CAMK1G: variants seen among roughly 807,000 people sequenced by gnomAD.
The protein encoded by CAMK1G is calcium/calmodulin dependent protein kinase IG, also known as calcium/calmodulin-dependent protein kinase type 1G.
CAMK1G carries 27 observed loss-of-function variants against 54.8 expected under a neutral mutation model. The observed-to-expected ratio is 0.49, with a 90% CI of 0.36 to 0.68. CAMK1G has a LOEUF of 0.68. CAMK1G is among the 30% of genes least tolerant of loss of function. The probability of loss-of-function intolerance (pLI) is 0.00; values close to 1 mark genes in which losing one functional copy is unlikely to be tolerated. For missense variants in CAMK1G, 512 were observed against 591.0 expected, an observed-to-expected ratio of 0.87 and a Z score of 1.39; for synonymous variants, 238 against 224.9, an observed-to-expected ratio of 1.06 and a Z score of -0.52.
At chr1:209,594,234 G>T (rs546179234) in intron 1 of CAMK1G, among the ~76,000 whole-genome samples, 3 of 152,040 alleles carry the variant, frequency 2.0e-5, no homozygotes, top group African/African-American at 7.2e-5. Context: ...AACTGTACAC[G>T]TATGACTTTA....
At chr1:209,612,532 C>T (rs1665808809) in intron 11 of CAMK1G, among the ~76,000 whole-genome samples, 1 of 152,162 alleles carries the variant, frequency 6.6e-6, no homozygotes, top group African/African-American at 2.4e-5. Flanking sequence ...TGATAAAAGC[C>T]CACAGAAAAC....
chr1:209,585,030 G>C (rs141766005), intron 1 of CAMK1G, among the ~76,000 whole-genome samples: 1 of 152,126 alleles, frequency 6.6e-6, no homozygotes, highest in Non-Finnish European at 1.5e-5. Flanking sequence ...GAAGTTAAAG[G>C]GTTTGCCTGG....
At chr1:209,603,088 C>A in intron 3 of CAMK1G, 126 bp from the exon 4 acceptor site, 1 of 785,970 alleles carries the variant, frequency 1.3e-6, no homozygotes, top group Non-Finnish European at 2.1e-6. Context: ...GAAGGCTTCA[C>A]AGAGACCTAG....
intron 1 of CAMK1G, among the ~76,000 whole-genome samples, chr1:209,593,889 A>G (rs1665317391): frequency 6.6e-6 from 1 of 152,122 alleles, no homozygotes. Context: ...AACAGAGTCT[A>G]CAAAGCCCTT....
At chr1:209,596,003 A>G (rs1255910072) in intron 2 of CAMK1G, among the ~76,000 whole-genome samples, 6 of 152,218 alleles carry the variant, frequency 3.9e-5, no homozygotes, top group Admixed American at 2.6e-4. Flanking sequence ...AGTCTAGGCT[A>G]ATTGGGCCTG....
chr1:209,592,306 C>A (rs982474058), intron 1 of CAMK1G, among the ~76,000 whole-genome samples: 1 of 145,096 alleles, frequency 6.9e-6, no homozygotes, highest in Admixed American at 7.1e-5. Context: ...GATCACACCA[C>A]TGCACTCTAG....
chr1:209,608,760 C>A (rs1305930780), intron 7 of CAMK1G, among the ~76,000 whole-genome samples: 1 of 152,114 alleles, frequency 6.6e-6, no homozygotes, highest in Non-Finnish European at 1.5e-5. Context: ...TACACAGGGA[C>A]CTTCTAGGGA....
chr1:209,603,864 G>T (rs1273958309), intron 4 of CAMK1G, among the ~76,000 whole-genome samples: 1 of 152,216 alleles, frequency 6.6e-6, no homozygotes, highest in Non-Finnish European at 1.5e-5. Context: ...GGCTGTGATT[G>T]TATGTGTCCA....
intron 7 of CAMK1G, among the ~76,000 whole-genome samples, chr1:209,608,562 A>G (rs543724271): frequency 6.6e-6 from 1 of 152,318 alleles, no homozygotes; most frequent in African/African-American, 2.4e-5. Flanking sequence ...TTCACTGCCT[A>G]TCTACTCTGC....
chr1:209,599,079 A>C (rs1205935516), intron 2 of CAMK1G, among the ~76,000 whole-genome samples: 3 of 152,206 alleles, frequency 2.0e-5, no homozygotes, highest in Non-Finnish European at 2.9e-5. Context: ...CACCTTCTTC[A>C]CAAGGCGGCA....
In CAMK1G at chr1:209,611,845, C is replaced by A. The variant is rs200699828; in HGVS notation, c.969C>A (p.Asn323Lys). The A allele has an allele frequency of 6.2e-7, 1 of 1,614,198 alleles. No homozygotes were observed. The highest frequency in any genetic ancestry group is 2.2e-5 in the East Asian group (1 of 44,882). ...ACCACATGAGGAAGCTACACATGAA[C>A]CTGCACAGCCCGGGCGTCCGCCCAG... ...VVHHMRKLHMNLHSPGVRPEV... is the reference protein window; with the variant it reads ...VVHHMRKLHMKLHSPGVRPEV... Residue 323 changes from asparagine (N) to lysine (K), a missense_variant, in exon 11 of 13, where the codon AAC (asparagine) becomes AAA (lysine). By Grantham distance (94) the Asn-to-Lys change is moderately conservative (BLOSUM62 0). Around this residue, in one of 3 missense-constraint regions of CAMK1G, gnomAD observed 315 missense variants for 330.5 expected, o/e 0.95. Coordinates refer to ENST00000361322, the MANE Select transcript of CAMK1G (RefSeq NM_020439.3).
Position 209,605,628 on chromosome 1 carries a change from C to T in CAMK1G, c.389C>T (p.Ala130Val). The change falls in exon 5 of 13, where the codon GCA becomes GTA. Residue 130 changes from alanine to valine, a missense_variant. Physicochemically the swap from Ala to Val is moderately conservative, Grantham distance 64. Transcript: ENST00000361322. ...CTGGTGATCCAGCAGGTCTTGTCGG[C>T]AGTGAAATACCTACATGAGAATGGC... is the stretch of plus-strand genomic sequence containing the variant. ...ASLVIQQVLS[A>V]VKYLHENGIV... is the part of the protein sequence containing the mutation. 6.2e-7 allele frequency: 1 copy of T among 1,614,086 alleles called. No individual in the cohort carries two copies. Among genetic ancestry groups the T allele is most frequent in the Non-Finnish European group, 8.5e-7 (1 of 1,180,006 alleles).
intron 6 of CAMK1G, 32 bp downstream of exon 6, chr1:209,606,475 G>T: frequency 1.4e-5 from 22 of 1,608,956 alleles, no homozygotes; most frequent in Non-Finnish European, 1.8e-5. Flanking sequence ...AGGTTGACCA[G>T]TTGGCTACAT....
intron 11 of CAMK1G, 141 bp from the exon 12 acceptor site, chr1:209,612,644 G>A: frequency 3.1e-6 from 2 of 652,382 alleles, no homozygotes; most frequent in East Asian, 5.4e-5. Flanking sequence ...TATCTTTTCT[G>A]CAGGTTCTTG....
intron 1 of CAMK1G, among the ~76,000 whole-genome samples, chr1:209,590,608 C>T (rs901190923): frequency 4.6e-5 from 7 of 152,278 alleles, no homozygotes; most frequent in East Asian, 3.9e-4. Context: ...GAGAACAGGC[C>T]GTCATTCCAT....
rs1665835999 is a variant in CAMK1G, at chr1:209,613,370, A to C, written c.*368A>C. The C allele has an allele frequency of 6.4e-6, 1 of 156,908 alleles. No homozygotes were observed. The highest frequency in any genetic ancestry group is 1.9e-4 in the South Asian group (1 of 5,212). The allele number at this position is 156,908 out of a possible 1,614,324, so 9.7% of individuals were successfully genotyped here. On this transcript the variant is annotated 3_prime_UTR_variant, in exon 13 of 13. Coordinates refer to ENST00000361322, the MANE Select transcript of CAMK1G (RefSeq NM_020439.3). ...CTGTGCTGTTTGTCGTGAAAAGCTT[A>C]ATGGGCTGGCCAGGCTGTGTCACCT...
At chr1:209,611,662 C>T (rs933201231) in intron 10 of CAMK1G, 110 bp downstream of exon 10, 2 of 1,456,222 alleles carry the variant, frequency 1.4e-6, no homozygotes, top group African/African-American at 2.8e-5. Flanking sequence ...GGCATTGGAG[C>T]TCCGTGTACC....
In CAMK1G at chr1:209,600,096, T is replaced by C. The variant is rs778787113; in HGVS notation, c.206T>C (p.Ile69Thr). ...CGGGACAGCAGCCTGGAGAATGAGATTGCTGTGTTGAAAAAGTGAGTGGGT... is the reference window on the plus strand; with the variant it reads ...CGGGACAGCAGCCTGGAGAATGAGACTGCTGTGTTGAAAAAGTGAGTGGGT... ...AFRDSSLENE[I>T]AVLKKIKHEN... Residue 69 changes from isoleucine (I) to threonine (T), a missense_variant, in exon 3 of 13, where the codon ATT becomes ACT. Physicochemically the swap from Ile to Thr is moderately conservative, Grantham distance 89. This residue lies in a region of CAMK1G where 186 missense variants were observed against 231.5 expected (regional missense o/e 0.80). Transcript: ENST00000361322. The C allele has an allele frequency of 3.7e-6, 6 of 1,613,686 alleles. No individual in the cohort carries two copies. Among genetic ancestry groups the C allele is most frequent in the South Asian group, 2.2e-5 (2 of 91,074 alleles).
chr1:209,612,249 C>G, intron 11 of CAMK1G, 33 bp downstream of exon 11: 1 of 1,604,904 alleles, frequency 6.2e-7, no homozygotes, highest in South Asian at 1.1e-5. Flanking sequence ...GGAGCCCCAG[C>G]TTGGGTCTGA....
Sources: allele counts gnomAD v4.1 joint callset (sites outside exome capture counted in the v4.1 genomes callset), GRCh38; gene constraint gnomAD v4.1.1; regional missense constraint gnomAD v4.1.1; transcripts MANE v1.5; gene names NCBI Gene and HGNC (gene_info 2026-07-23, HGNC 2026-07-21).